The following ABHD18 variants were observed in gnomAD, a reference collection of about 807,000 sequenced individuals.
ABHD18 encodes the protein abhydrolase domain containing 18, also known as cardiolipin-specific deacylase, mitochondrial.
ABHD18 carries 55 observed loss-of-function variants against 65.9 expected under a neutral mutation model. The observed-to-expected ratio is 0.84, with a 90% CI of 0.67 to 1.05. The LOEUF is 1.05. ABHD18 is among the 50% of genes least tolerant of loss of function. The pLI is 0.00. For missense variants in ABHD18, 533 were observed against 558.5 expected (o/e 0.95, Z 0.46); for synonymous variants, 181 against 180.2 (o/e 1.00, Z -0.04).
intron 1 of ABHD18, among the ~76,000 whole-genome samples, chr4:127,977,289 A>G (rs1348853625): frequency 1.3e-5 from 2 of 150,692 alleles, no homozygotes; most frequent in Non-Finnish European, 3.0e-5. Context: ...CCTGACCAAC[A>G]TGGAGAAACC....
intron 7 of ABHD18, 69 bp from the exon 8 acceptor site, chr4:128,017,294 T>G: frequency 6.9e-7 from 1 of 1,459,456 alleles, no homozygotes; most frequent in Non-Finnish European, 9.4e-7. Flanking sequence ...GGCAGCCTGT[T>G]GTAAATTTGC....
chr4:128,010,884 G>A (rs566196260), intron 6 of ABHD18, among the ~76,000 whole-genome samples: 11 of 144,200 alleles, frequency 7.6e-5, no homozygotes, highest in South Asian at 2.2e-4. Flanking sequence ...CAGCCTGGGC[G>A]ACGGAGCAAG....
chr4:127,984,243 A>C (rs2149074334), intron 2 of ABHD18, 96 bp from the exon 3 acceptor site: 2 of 631,528 alleles, frequency 3.2e-6, no homozygotes, highest in Non-Finnish European at 5.3e-6. Context: ...TGGATTTGCT[A>C]ATTTTTAATT....
rs538844965 is a variant in ABHD18 at position 128,003,239 on chromosome 4, G to A, written c.279-5681G>A. ...AAAATTAGCTGGGCATGGTGGCCGC[G>A]TGGCTGTAGTCCCAGCTACACAGGA... On this transcript the variant is annotated intron_variant, in intron 4 of 12. Transcript: ENST00000645843. Among the ~76,000 whole-genome samples the A allele has an allele frequency of 3.2e-4, 48 of 151,796 alleles. 1 individual carries two copies. The South Asian group carries it at 5.8e-3, about 18-fold the overall frequency.
intron 4 of ABHD18, among the ~76,000 whole-genome samples, chr4:127,999,382 T>C (rs1193895945): frequency 1.3e-5 from 2 of 152,132 alleles, no homozygotes; most frequent in Non-Finnish European, 2.9e-5. Flanking sequence ...GAGTTGCTGA[T>C]GTGGAAAAAA....
At position 128,012,371 on chromosome 4, in the gene ABHD18, T is replaced by A. The variant is rs116081514; in HGVS notation, c.470+671T>A. ...GAAAATCTGAAGATAAACTTTCTCT[T>A]TTCAGTCTTTTAAAATGATAAACTC... is the stretch of plus-strand genomic sequence containing the variant. On this transcript the variant is annotated intron_variant, in intron 7 of 12. Transcript: ENST00000645843. Among the ~76,000 whole-genome samples the A allele has an allele frequency of 2.6e-3, 398 of 152,302 alleles. 2 individuals are homozygous for A. Among genetic ancestry groups the A allele is most frequent in the African/African-American group, 9.2e-3 (382 of 41,574 alleles).
intron 9 of ABHD18, among the ~76,000 whole-genome samples, chr4:128,020,418 G>A (rs1176247414): frequency 6.6e-6 from 1 of 152,206 alleles, no homozygotes; most frequent in African/African-American, 2.4e-5. Context: ...TCCTAGTGGA[G>A]TGTTACAGTT....
At chr4:127,994,931 G>A (rs1004858031) in intron 4 of ABHD18, among the ~76,000 whole-genome samples, 4 of 152,124 alleles carry the variant, frequency 2.6e-5, no homozygotes, top group Admixed American at 1.3e-4. Context: ...CCAGGCTGGA[G>A]TGCAGTGGCG....
intron 4 of ABHD18, among the ~76,000 whole-genome samples, chr4:127,991,048 C>T (rs1035297815): frequency 8.6e-5 from 13 of 151,900 alleles, no homozygotes; most frequent in African/African-American, 2.9e-4. Flanking sequence ...ATTTTTAGTA[C>T]GGATGGACTT....
Position 128,020,164 on chromosome 4 carries a change from A to G in ABHD18, c.694A>G (p.Thr232Ala), listed in dbSNP as rs1756243002. 1 of 1,610,334 alleles carries G rather than the reference A, an allele frequency of 6.2e-7. No homozygotes were observed. The highest frequency in any genetic ancestry group is 8.5e-7 in the Non-Finnish European group (1 of 1,177,020). The change falls in exon 9 of 13, where the codon ACT becomes GCT. Residue 232 changes from threonine (T) to alanine (A), a missense_variant. Physicochemically the swap from Thr to Ala is moderately conservative, Grantham distance 58. This residue lies in a region of ABHD18 where 309 missense variants were observed against 313.5 expected (regional missense o/e 0.99). Coordinates refer to ENST00000645843, the MANE Select transcript of ABHD18 (RefSeq NM_001358451.3). Reference sequence around the variant, plus strand: ...TTGGTCCACAGCATCTGGGGTCTTCACTACGGTAATTTAATTGTAATTAAT... The same window carrying G: ...TTGGTCCACAGCATCTGGGGTCTTCGCTACGGTAATTTAATTGTAATTAAT... ...LSWSTASGVF[T>A]TGVLSKSINW... is the part of the protein sequence containing the mutation.
intron 1 of ABHD18, among the ~76,000 whole-genome samples, chr4:127,979,201 T>A (rs977843590): frequency 1.3e-5 from 2 of 152,198 alleles, no homozygotes; most frequent in Non-Finnish European, 2.9e-5. Context: ...CAGCTGTTTA[T>A]AAACAAGAGG....
chr4:128,021,714 C>A (rs1756532605), intron 10 of ABHD18, among the ~76,000 whole-genome samples: 1 of 150,060 alleles, frequency 6.7e-6, no homozygotes, highest in Admixed American at 6.6e-5. Context: ...TCATGCAAAG[C>A]AAATATGTGG....
At chr4:127,995,116 G>T (rs1363506385) in intron 4 of ABHD18, among the ~76,000 whole-genome samples, 1 of 152,222 alleles carries the variant, frequency 6.6e-6, no homozygotes, top group Non-Finnish European at 1.5e-5. Flanking sequence ...CTAACCTCAA[G>T]TGATTCACCT....
rs747140393 is a variant in ABHD18, at chr4:127,970,910, A to T, written c.-18+5304A>T. On this transcript the variant is annotated intron_variant, in intron 1 of 12. Coordinates refer to ENST00000645843, the MANE Select transcript of ABHD18 (RefSeq NM_001358451.3). The stretch of plus-strand genomic sequence containing the variant: ...GCCAACATGGTAAAACACTGTCTCT[A>T]CTAAAAATACAAAAATTAGTCAGAA... Among the ~76,000 whole-genome samples the T allele has an allele frequency of 2.6e-5, 4 of 152,134 alleles. No homozygotes were observed. In the East Asian group the frequency reaches 5.8e-4, roughly 22 times the overall value.
At chr4:128,004,128 C>T (rs1444835503) in intron 4 of ABHD18, among the ~76,000 whole-genome samples, 1 of 152,014 alleles carries the variant, frequency 6.6e-6, no homozygotes, top group Non-Finnish European at 1.5e-5. Flanking sequence ...TTCGTCTCTA[C>T]TTTCCCTGCC....
At chr4:128,034,357 A>AT (rs1181323909) in intron 12 of ABHD18, among the ~76,000 whole-genome samples, 1 of 152,060 alleles carries the variant, frequency 6.6e-6, no homozygotes, top group Non-Finnish European at 1.5e-5. Context: ...TATGTTTTGG[A>AT]TTTTCTGAAT....
At chr4:127,968,988 G>A (rs900976825) in intron 1 of ABHD18, among the ~76,000 whole-genome samples, 39 of 151,986 alleles carry the variant, frequency 2.6e-4, no homozygotes, top group Non-Finnish European at 8.8e-5. Context: ...GCTGAAATGG[G>A]ATTTAAGAAG....
chr4:128,024,396 C>T (rs767763430), intron 10 of ABHD18, among the ~76,000 whole-genome samples: 3 of 152,182 alleles, frequency 2.0e-5, no homozygotes, highest in African/African-American at 7.2e-5. Flanking sequence ...AAGTTTCCAA[C>T]ACATGAACTT....
At chr4:128,019,860 A>T (rs1289879683) in intron 8 of ABHD18, among the ~76,000 whole-genome samples, 2 of 152,144 alleles carry the variant, frequency 1.3e-5, no homozygotes, top group Non-Finnish European at 2.9e-5. Flanking sequence ...CTTGAGGTTA[A>T]AGTTTTGTAT....
Sources: allele counts gnomAD v4.1 joint callset (sites outside exome capture counted in the v4.1 genomes callset), GRCh38; gene constraint gnomAD v4.1.1; regional missense constraint gnomAD v4.1.1; transcripts MANE v1.5; gene names NCBI Gene and HGNC (gene_info 2026-07-23, HGNC 2026-07-21).